CCDC178: variants seen among roughly 807,000 people sequenced by gnomAD.
The protein encoded by CCDC178 is coiled-coil domain containing 178, also known as coiled-coil domain-containing protein 178.
CCDC178 carries 126 observed loss-of-function variants against 117.4 expected under a neutral mutation model. The observed-to-expected ratio is 1.07, with a 90% confidence interval of 0.93 to 1.24. CCDC178 has a LOEUF of 1.24. CCDC178 is among the 50% of genes most tolerant of loss of function. The pLI, the probability that CCDC178 is intolerant of heterozygous loss-of-function variation, is 0.00. For synonymous variants in CCDC178, 283 were observed against 313.4 expected (o/e 0.90, Z 1.02); for missense variants, 1,030 against 986.9 (o/e 1.04, Z -0.59).
intron 11 of CCDC178, among the ~76,000 whole-genome samples, chr18:33,302,838 CAG>C (rs1369487583): frequency 4.6e-5 from 7 of 151,984 alleles, no homozygotes; most frequent in Non-Finnish European, 1.0e-4. Context: ...AAAATTGAAA[CAG>C]AGGATATTAA....
chr18:33,147,827 C>T (rs1317521795), intron 20 of CCDC178, among the ~76,000 whole-genome samples: 2 of 152,200 alleles, frequency 1.3e-5, no homozygotes, highest in Non-Finnish European at 2.9e-5. Flanking sequence ...TTTCCCTTTT[C>T]TATTCGACAA....
chr18:33,318,574 G>A (rs2062454192), intron 11 of CCDC178, among the ~76,000 whole-genome samples: 1 of 152,144 alleles, frequency 6.6e-6, no homozygotes, highest in African/African-American at 2.4e-5. Context: ...TTTAATTTGA[G>A]CACAAGACAT....
chr18:33,142,200 G>A (rs2058214848), intron 20 of CCDC178, among the ~76,000 whole-genome samples: 1 of 152,040 alleles, frequency 6.6e-6, no homozygotes, highest in Non-Finnish European at 1.5e-5. Context: ...CTTTTTAGTG[G>A]TCACAACTAG....
At chr18:33,300,008 A>C (rs2062156394) in intron 11 of CCDC178, among the ~76,000 whole-genome samples, 1 of 152,214 alleles carries the variant, frequency 6.6e-6, no homozygotes, top group Non-Finnish European at 1.5e-5. Context: ...CCCAATGTTT[A>C]AGGTGGGGCA....
At chr18:33,179,984 T>A (rs534952484) in intron 20 of CCDC178, among the ~76,000 whole-genome samples, 2 of 151,990 alleles carry the variant, frequency 1.3e-5, no homozygotes, top group Non-Finnish European at 2.9e-5. Flanking sequence ...TATCTGTTTT[T>A]TATAACACCA....
chr18:33,059,203 T>C lies in CCDC178; in HGVS notation c.2388+33558A>G, dbSNP rs564878970. 3.9e-5 allele frequency among the ~76,000 whole-genome samples: 6 copies of C among 152,258 alleles called. No individual in the cohort carries two copies. In the South Asian group the frequency reaches 8.3e-4, roughly 21 times the overall value. On this transcript the variant is annotated intron_variant, in intron 21 of 22. Coordinates refer to ENST00000383096, the MANE Select transcript of CCDC178 (RefSeq NM_001105528.4). ...ATCGCCCTTGAAAGTAATATATAAA[T>C]GGACCTGTAAGATTTGAACTGGAGG...
chr18:33,241,885 CA>C (rs1297271736), intron 15 of CCDC178, among the ~76,000 whole-genome samples: 3 of 151,294 alleles, frequency 2.0e-5, no homozygotes, highest in Non-Finnish European at 4.4e-5. Context: ...ATAAAAATAC[CA>C]AATATGTTCT....
intron 20 of CCDC178, among the ~76,000 whole-genome samples, chr18:33,120,017 A>C (rs560749457): frequency 1.3e-5 from 2 of 151,402 alleles, no homozygotes; most frequent in South Asian, 2.1e-4. Context: ...GGGGAACATC[A>C]CACACCGGGG....
intron 21 of CCDC178, among the ~76,000 whole-genome samples, chr18:33,021,848 T>TATTTTTTATATTTA (rs2056125952): frequency 6.6e-6 from 1 of 152,222 alleles, no homozygotes; most frequent in Admixed American, 6.5e-5. Context: ...TGCCTCTTAG[T>TATTTTTTATATTTA]GGTGGCTTCC....
chr18:33,092,747 A>T lies in CCDC178; in HGVS notation c.2388+14T>A. ...CATAAATCATCACCTTAAAACAATT[A>T]GAAAAACCAATACCTGTTTCTTATC... On this transcript the variant is annotated intron_variant, in intron 21 of 22. Transcript: ENST00000383096. 6.6e-7 allele frequency: 1 copy of T among 1,516,896 alleles called. No individual in the cohort carries two copies. Among genetic ancestry groups the T allele is most frequent in the Non-Finnish European group, 9.0e-7 (1 of 1,110,192 alleles). The allele number at this position is 1,516,896 out of a possible 1,614,324, so 94.0% of individuals were successfully genotyped here.
intron 5 of CCDC178, among the ~76,000 whole-genome samples, chr18:33,371,386 A>C (rs2063297211): frequency 6.6e-6 from 1 of 151,886 alleles, no homozygotes; most frequent in Non-Finnish European, 1.5e-5. Context: ...CATTTTTTTA[A>C]TCCCCACAAC....
intron 3 of CCDC178, among the ~76,000 whole-genome samples, chr18:33,403,481 A>T (rs554407582): frequency 2.1e-4 from 31 of 150,716 alleles, no homozygotes; most frequent in Non-Finnish European, 3.8e-4. Context: ...ACAAAAATGT[A>T]TGACATCCAA....
chr18:33,346,932 T>G (rs559256270), intron 8 of CCDC178, among the ~76,000 whole-genome samples: 6 of 152,352 alleles, frequency 3.9e-5, no homozygotes, highest in African/African-American at 1.2e-4. Context: ...AATACTAAAT[T>G]AATCCTCAAT....
intron 1 of CCDC178, chr18:33,440,352 T>A (rs1207239633): frequency 2.0e-5 from 2 of 102,458 alleles, no homozygotes; most frequent in East Asian, 6.3e-4. Flanking sequence ...GGGACAGGGG[T>A]TGGAGGACTG....
At chr18:33,350,384 C>A (rs1312547704) in intron 7 of CCDC178, among the ~76,000 whole-genome samples, 1 of 151,982 alleles carries the variant, frequency 6.6e-6, no homozygotes, top group Non-Finnish European at 1.5e-5. Context: ...CATCTCATTC[C>A]AATATATTTT....
chr18:33,406,761 C>T (rs1177351982), intron 3 of CCDC178, among the ~76,000 whole-genome samples: 1 of 152,056 alleles, frequency 6.6e-6, no homozygotes, highest in Non-Finnish European at 1.5e-5. Context: ...CATACTTTCC[C>T]ATGGGGAGTA....
intron 12 of CCDC178, among the ~76,000 whole-genome samples, chr18:33,288,720 T>C (rs1308245669): frequency 6.6e-6 from 1 of 152,106 alleles, no homozygotes; most frequent in Non-Finnish European, 1.5e-5. Context: ...AGTTAAGAGA[T>C]GGTTTCACCA....
At chr18:33,204,199 C>T (rs1020787614) in intron 20 of CCDC178, among the ~76,000 whole-genome samples, 9 of 152,064 alleles carry the variant, frequency 5.9e-5, no homozygotes, top group Non-Finnish European at 1.2e-4. Context: ...GTTTCCCAAA[C>T]TCGAACTAAA....
At chr18:33,263,403 C>T (rs1013974433) in intron 14 of CCDC178, among the ~76,000 whole-genome samples, 5 of 152,190 alleles carry the variant, frequency 3.3e-5, no homozygotes, top group African/African-American at 1.2e-4. Flanking sequence ...CAAATAACAG[C>T]AATTTGTACA....
Sources: allele counts gnomAD v4.1 joint callset (sites outside exome capture counted in the v4.1 genomes callset), GRCh38; gene constraint gnomAD v4.1.1; transcripts MANE v1.5; gene names NCBI Gene and HGNC (gene_info 2026-07-23, HGNC 2026-07-21).